The following ANO7 variants were observed in gnomAD, a reference collection of about 807,000 sequenced individuals.
The protein encoded by ANO7 is anoctamin-7.
In ANO7, 114 loss-of-function variants were observed where a neutral mutation model predicts 115.8. The ratio of observed to expected loss-of-function variants is 0.98; its 90% CI spans 0.85 to 1.15. ANO7 has a LOEUF of 1.15. Among genes scored for constraint, ANO7 ranks in the 50% most tolerant of loss-of-function variants. The pLI, the probability that ANO7 is intolerant of heterozygous loss-of-function variation, is 0.00. For synonymous variants in ANO7, 550 were observed against 498.2 expected (o/e 1.10, Z -1.38); for missense variants, 1,302 against 1,201.2 (o/e 1.08, Z -1.24).
At chr2:241,213,220 T>C (rs2068756106) in intron 17 of ANO7, among the ~76,000 whole-genome samples, 1 of 149,902 alleles carries the variant, frequency 6.7e-6, no homozygotes, top group Non-Finnish European at 1.5e-5. Context: ...CCGCAGGGGC[T>C]GGCCTCCTCA....
chr2:241,204,894 G>C lies in ANO7; in HGVS notation c.919G>C (p.Ala307Pro). The change falls in exon 10 of 25, where the codon GCA becomes CCA. Residue 307 changes from alanine to proline, a missense_variant. Physicochemically the swap from Ala to Pro is conservative, Grantham distance 27 (BLOSUM62 -1). Transcript: ENST00000674324. Reference protein sequence around the residue: ...GFYTGWLLPAAVVGTLVFLVG... With the variant: ...GFYTGWLLPAPVVGTLVFLVG... ...TTACACAGGCTGGCTCCTGCCAGCG[G>C]CAGTGGTGGGCACACTGGTGTTCCT... 2 of 1,613,924 alleles carry C rather than the reference G, an allele frequency of 1.2e-6. No homozygotes were observed. The highest frequency in any genetic ancestry group is 2.2e-5 in the South Asian group (2 of 91,078).
At position 241,214,892 on chromosome 2, in the gene ANO7, G is replaced by A. The variant is rs146974592; in HGVS notation, c.1816G>A (p.Val606Ile). The A allele has an allele frequency of 6.2e-7, 1 of 1,612,410 alleles. No individual in the cohort carries two copies. Among genetic ancestry groups the A allele is most frequent in the Admixed American group, 1.7e-5 (1 of 59,996 alleles). Residue 606 changes from valine to isoleucine, a missense_variant, in exon 18 of 25, where the codon GTC (valine) becomes ATC (isoleucine). Val to Ile is a conservative substitution (Grantham distance 29, BLOSUM62 3). Coordinates refer to ENST00000674324, the MANE Select transcript of ANO7 (RefSeq NM_001370694.2). ...GCAGGTCATCAACAACATGCAGGAG[G>A]TCCTCATCCCGTGAGTCCCCCACTC... ...GKQVINNMQE[V>I]LIPKLKGWWQ...
At chr2:241,197,478 C>A (rs1044849261) in intron 4 of ANO7, among the ~76,000 whole-genome samples, 1 of 152,084 alleles carries the variant, frequency 6.6e-6, no homozygotes, top group African/African-American at 2.4e-5. Flanking sequence ...CTCAATCTCC[C>A]GAGGCTCAAG....
At chr2:241,211,370 G>A (rs996421444) in intron 15 of ANO7, among the ~76,000 whole-genome samples, 6 of 152,034 alleles carry the variant, frequency 3.9e-5, no homozygotes, top group African/African-American at 7.3e-5. Flanking sequence ...AAACACTTAC[G>A]ACCAACCTAT....
chr2:241,211,709 T>A (rs2068723856), intron 15 of ANO7, among the ~76,000 whole-genome samples: 1 of 151,850 alleles, frequency 6.6e-6, no homozygotes, highest in Non-Finnish European at 1.5e-5. Context: ...TGCTGTGGGG[T>A]GTTGAGCCTC....
chr2:241,204,327 G>A (rs1380389176), intron 9 of ANO7, among the ~76,000 whole-genome samples: 2 of 152,002 alleles, frequency 1.3e-5, no homozygotes, highest in African/African-American at 2.4e-5. Flanking sequence ...CACCAGGCCT[G>A]GGACTGGACT....
At chr2:241,218,459 C>A in intron 21 of ANO7, 78 bp downstream of exon 21, 1 of 931,546 alleles carries the variant, frequency 1.1e-6, no homozygotes, top group South Asian at 4.4e-5. Flanking sequence ...GGTGGGGGTG[C>A]GGCGGTGGGG....
At position 241,209,655 on chromosome 2, in the gene ANO7, T is replaced by G; in HGVS notation, c.1359+20T>G. The G allele has an allele frequency of 1.3e-6, 2 of 1,521,198 alleles. No homozygotes were observed. The highest frequency in any genetic ancestry group is 1.8e-6 in the Non-Finnish European group (2 of 1,138,516). 94.2% of individuals were successfully genotyped at this position (1,521,198 alleles called of 1,614,324 possible). A position where few individuals can be genotyped will look rare whatever the true frequency, so the allele number is the denominator to read the frequency against. On this transcript the variant is annotated intron_variant, in intron 13 of 24. Transcript: ENST00000674324. Reference sequence around the variant, plus strand: ...GTGATGGTATGCGGTCCCCCTGCCCTCCGCTCACGCCTCCATCCTCCTGCA... The same window carrying G: ...GTGATGGTATGCGGTCCCCCTGCCCGCCGCTCACGCCTCCATCCTCCTGCA...
At chr2:241,194,735 C>T (rs2068283250) in intron 3 of ANO7, among the ~76,000 whole-genome samples, 1 of 152,106 alleles carries the variant, frequency 6.6e-6, no homozygotes, top group Non-Finnish European at 1.5e-5. Flanking sequence ...CTTACTTTAC[C>T]TAATTCATAA....
At chr2:241,196,218 A>G in intron 4 of ANO7, 2 of 1,085,120 alleles carry the variant, frequency 1.8e-6, no homozygotes, top group Non-Finnish European at 2.3e-6. Flanking sequence ...CAGCTTAAAA[A>G]GTCCTTTCAC....
rs1330077329 is a variant in ANO7 at position 241,209,500 on chromosome 2, G to A, written c.1224G>A (p.Glu408=). ...WDCSDYEDTE[E]RPRPQFAASA... is the part of the protein sequence containing the mutation. ...ACTGAGCACCGGCTCCCTTCCAGGA[G>A]AGGCCTCGGCCCCAGTTTGCCGCCT... Residue 408 remains glutamate, a splice_region_variant and synonymous_variant, in exon 13 of 25, where the codon GAG becomes GAA. Transcript: ENST00000674324. The A allele has an allele frequency of 2.5e-6, 4 of 1,594,778 alleles. No homozygotes were observed. The highest frequency in any genetic ancestry group is 3.4e-6 in the Non-Finnish European group (4 of 1,170,584).
At chr2:241,196,084 C>T in intron 4 of ANO7, 1 of 1,408,842 alleles carries the variant, frequency 7.1e-7, no homozygotes, top group Non-Finnish European at 9.2e-7. Flanking sequence ...GAAGTCGGAG[C>T]CCTCAGGGTC....
At chr2:241,194,394 AAG>A (rs2149115705) in intron 3 of ANO7, among the ~76,000 whole-genome samples, 1 of 148,586 alleles carries the variant, frequency 6.7e-6, no homozygotes, top group South Asian at 2.1e-4. Context: ...AGCTCACTGC[AAG>A]CTCCGTCTCC....
chr2:241,199,374 C>G lies in ANO7; in HGVS notation c.368C>G (p.Ala123Gly). 3 of 1,613,870 alleles carry G rather than the reference C, an allele frequency of 1.9e-6. No homozygotes were observed. Among genetic ancestry groups the G allele is most frequent in the Non-Finnish European group, 2.5e-6 (3 of 1,180,034 alleles). Residue 123 changes from alanine (A) to glycine (G), a missense_variant, in exon 5 of 25, where the codon GCT becomes GGT. Coordinates refer to ENST00000674324, the MANE Select transcript of ANO7 (RefSeq NM_001370694.2). ...VHYALLSASW[A>G]VLCYYAEDLR... ...TACGCCCTCCTCAGCGCCTCCTGGG[C>G]TGTGCTCTGCTACTACGCCGAAGAC...
In ANO7 at chr2:241,223,289, C is replaced by A. The variant is rs375358847; in HGVS notation, c.2412+13C>A. 2.4e-5 allele frequency: 39 copies of A among 1,614,138 alleles called. No individual in the cohort carries two copies. The East Asian group carries it at 4.2e-4, about 18-fold the overall frequency. On this transcript the variant is annotated intron_variant, in intron 22 of 24. Coordinates refer to ENST00000674324, the MANE Select transcript of ANO7 (RefSeq NM_001370694.2). ...CATTGTGTTTGAGGTAGCCGAGGCACCTGCTGGTTCTCCCATCCATGGCAT... is the reference window on the plus strand; with the variant it reads ...CATTGTGTTTGAGGTAGCCGAGGCAACTGCTGGTTCTCCCATCCATGGCAT...
intron 11 of ANO7, among the ~76,000 whole-genome samples, chr2:241,208,410 C>T (rs904940228): frequency 2.6e-5 from 4 of 152,216 alleles, no homozygotes; most frequent in Non-Finnish European, 5.9e-5. Flanking sequence ...TTGTGGCCGC[C>T]TCATTCCAAT....
chr2:241,233,011 G>A, the ANO7 span, among the ~76,000 whole-genome samples: 3 of 152,132 alleles, frequency 2.0e-5, no homozygotes, highest in East Asian at 1.9e-4. This position sits in a 1 kb window ranked among gnomAD's most constrained non-coding sequence, Gnocchi z 4.3. Context: ...GGGAAGCAGC[G>A]GAAAACCCTG....
the ANO7 span, among the ~76,000 whole-genome samples, chr2:241,232,333 T>C: frequency 6.6e-6 from 1 of 151,306 alleles, no homozygotes; most frequent in African/African-American, 2.4e-5. Context: ...TGGAGTGCAA[T>C]GGCATGATCT....
intron 17 of ANO7, among the ~76,000 whole-genome samples, chr2:241,214,534 G>A (rs374947607): frequency 4.6e-5 from 7 of 152,196 alleles, no homozygotes; most frequent in African/African-American, 1.2e-4. Context: ...GTAACCCCTT[G>A]TGGGTCTCCA....
Sources: gnomAD v4.1 joint callset for allele counts (sites outside exome capture counted in the v4.1 genomes callset) on GRCh38, gnomAD v4.1.1 for gene constraint, Gnocchi (gnomAD v3.1) non-coding constraint, MANE v1.5 for transcripts, NCBI Gene and HGNC (gene_info 2026-07-23, HGNC 2026-07-21) for gene names.